Variants in ARVCF observed in about 807,000 individuals in gnomAD.
ARVCF encodes ARVCF delta catenin family member, also known as splicing regulator ARVCF.
In ARVCF, 66 loss-of-function variants were observed where a neutral mutation model predicts 90.9. The observed-to-expected ratio is 0.73, with a 90% CI of 0.60 to 0.89. ARVCF has a LOEUF of 0.89. Ranked by LOEUF, ARVCF falls within the 40% of genes least tolerant of loss-of-function variation. The pLI is 0.00. For synonymous variants in ARVCF, 653 were observed against 603.4 expected (o/e 1.08, Z -1.21); for missense variants, 1,469 against 1,382.3 (o/e 1.06, Z -1.00).
intron 2 of ARVCF, among the ~76,000 whole-genome samples, chr22:20,008,258 G>A (rs916408957): frequency 6.6e-6 from 1 of 152,226 alleles, no homozygotes; most frequent in Non-Finnish European, 1.5e-5. Flanking sequence ...CAGGCACACG[G>A]CGGCTGATGG....
rs776085428 is a variant in ARVCF at position 19,973,205 on chromosome 22, G to A, written c.2352C>T (p.His784=). The A allele has an allele frequency of 6.2e-7, 1 of 1,610,934 alleles. No individual in the cohort carries two copies. The highest frequency in any genetic ancestry group is 1.1e-5 in the South Asian group (1 of 90,708). The change falls in exon 14 of 20, where the codon CAC becomes CAT. Residue 784 remains histidine, a synonymous_variant. Transcript: ENST00000263207. ...TATCCAGGCTGTCGGACACGATTTC[G>A]TGGATGGTGTTGAGCACCGCCACCA... ...DTVVAVLNTI[H]EIVSDSLDNA... is the part of the protein sequence containing the mutation.
At chr22:19,971,416 C>T (rs758975321) in intron 18 of ARVCF, 81 bp from the exon 19 acceptor site, 57 of 1,459,986 alleles carry the variant, frequency 3.9e-5, no homozygotes, top group Non-Finnish European at 5.1e-5. Flanking sequence ...GGGGCAGGGC[C>T]GAGGCTGGCG....
chr22:19,979,645 T>C (rs896945368), intron 6 of ARVCF, 98 bp downstream of exon 6: 66 of 1,456,476 alleles, frequency 4.5e-5, no homozygotes, highest in Middle Eastern at 1.8e-4. Flanking sequence ...CCGGGTGCTT[T>C]CCCAGGCGGT....
chr22:19,987,911 G>T (rs115952945), intron 3 of ARVCF, among the ~76,000 whole-genome samples: 3 of 152,302 alleles, frequency 2.0e-5, no homozygotes, highest in African/African-American at 7.2e-5. Flanking sequence ...AGGGAATCTA[G>T]TTCTGCTGCA....
chr22:20,007,518 C>T (rs1944674572), intron 2 of ARVCF, among the ~76,000 whole-genome samples: 1 of 152,230 alleles, frequency 6.6e-6, no homozygotes, highest in South Asian at 2.1e-4. Flanking sequence ...GAACGTGTCC[C>T]CCAAAGTTCA....
rs1213981957 is a variant in ARVCF, at chr22:19,990,803, C to T, written c.-9G>A. 37 of 1,548,868 alleles carry T rather than the reference C, an allele frequency of 2.4e-5. No homozygotes were observed. In the East Asian group the frequency reaches 7.0e-4, roughly 29 times the overall value. ...ACATTGCAGTCCTCCATGACCAGAG[C>T]GCCCGCCAGCTGCAGGCAAAGCAGA... On this transcript the variant is annotated 5_prime_UTR_variant, in exon 3 of 20. Coordinates refer to ENST00000263207, the MANE Select transcript of ARVCF (RefSeq NM_001670.3).
Position 19,980,052 on chromosome 22 carries a change from C to T in ARVCF, c.1087G>A (p.Val363Met). The T allele has an allele frequency of 2.5e-6, 4 of 1,583,922 alleles. No homozygotes were observed. Among genetic ancestry groups the T allele is most frequent in the Non-Finnish European group, 3.4e-6 (4 of 1,163,846 alleles). ...PRWRDPELPE[V>M]LAMLRHPVDP... ...ACGGGGTGCCGCAGCATGGCCAGCA[C>T]CTCAGGCAGCTCAGGGTCCCGCCAG... is the stretch of plus-strand genomic sequence containing the variant. The change falls in exon 6 of 20, where the codon GTG (valine) becomes ATG (methionine). Residue 363 changes from valine (V) to methionine (M), a missense_variant. Transcript: ENST00000263207.
downstream of ARVCF, chr22:19,968,739 G>GCC (rs397758621): frequency 9.4e-4 from 1,498 of 1,594,896 alleles, 5 homozygotes; most frequent in South Asian, 2.3e-3. Flanking sequence ...GGCCCTGACT[G>GCC]CCCCCCCGGC....
At chr22:20,010,754 A>G (rs993309874) in intron 1 of ARVCF, among the ~76,000 whole-genome samples, 1 of 152,212 alleles carries the variant, frequency 6.6e-6, no homozygotes, top group African/African-American at 2.4e-5. Context: ...GCTGTTGACC[A>G]TCCTTCAGAA....
rs768756338 is a variant in ARVCF at position 19,981,481 on chromosome 22, C to T, written c.626G>A (p.Gly209Asp). The change falls in exon 5 of 20, where the codon GGC (glycine) becomes GAC (aspartate). Residue 209 changes from glycine to aspartate, a missense_variant. Gly to Asp is a moderately conservative substitution (Grantham distance 94). Transcript: ENST00000263207. ...GGGGCCAGCACGTGGGGGCCGCATG[C>T]CCAGCCCTCGGGACAGGCTGCCATA... is the stretch of plus-strand genomic sequence containing the variant. ...PSYGSLSRGL[G>D]MRPPRAGPLG... The T allele has an allele frequency of 1.2e-5, 18 of 1,547,634 alleles. No homozygotes were observed. Among genetic ancestry groups the T allele is most frequent in the Non-Finnish European group, 1.4e-5 (16 of 1,149,022 alleles).
intron 1 of ARVCF, among the ~76,000 whole-genome samples, chr22:20,013,618 C>T (rs1196861322): frequency 6.6e-6 from 1 of 152,228 alleles, no homozygotes; most frequent in Non-Finnish European, 1.5e-5. Context: ...GCTCAGCTCC[C>T]CGTTGCTCTG....
At chr22:19,971,790 G>T in intron 18 of ARVCF, 96 bp downstream of exon 18, 2 of 1,346,796 alleles carry the variant, frequency 1.5e-6, no homozygotes, top group Non-Finnish European at 2.1e-6. Context: ...GTACCCCAGG[G>T]CCCAGACCAG....
chr22:19,967,338 T>C (rs1942461281), downstream of ARVCF: 2 of 641,280 alleles, frequency 3.1e-6, no homozygotes, highest in African/African-American at 1.9e-5. Context: ...TAGGCCATTG[T>C]CCTCCTCCCG....
intron 1 of ARVCF, among the ~76,000 whole-genome samples, chr22:20,013,830 C>G (rs1404821359): frequency 1.3e-5 from 2 of 152,154 alleles, no homozygotes; most frequent in Non-Finnish European, 2.9e-5. Flanking sequence ...TCAGAGTGAC[C>G]CAAGACTTCA....
At chr22:19,971,159 A>C in intron 19 of ARVCF, 57 bp downstream of exon 19, 2 of 1,550,634 alleles carry the variant, frequency 1.3e-6, no homozygotes, top group Non-Finnish European at 1.7e-6. Flanking sequence ...GACTAACAAG[A>C]AGCCCTGGCC....
chr22:19,994,796 T>C (rs1027860004), intron 2 of ARVCF, among the ~76,000 whole-genome samples: 2 of 140,596 alleles, frequency 1.4e-5, no homozygotes, highest in African/African-American at 5.4e-5. Context: ...TGGTGGGAGA[T>C]GAAGATATAG....
Position 19,995,255 on chromosome 22 carries a change from G to T in ARVCF, c.-18-4443C>A, listed in dbSNP as rs182164646. On this transcript the variant is annotated intron_variant, in intron 2 of 19. Coordinates refer to ENST00000263207, the MANE Select transcript of ARVCF (RefSeq NM_001670.3). The stretch of plus-strand genomic sequence containing the variant: ...AGTTGGATGGGAAGGTGGCTGGATG[G>T]ATACGGGTGGTGGTAGAGGGATAAA... Among the ~76,000 whole-genome samples the T allele has an allele frequency of 2.6e-3, 395 of 152,182 alleles. 2 individuals are homozygous for T. Among genetic ancestry groups the T allele is most frequent in the Non-Finnish European group, 4.3e-3 (290 of 67,994 alleles).
In ARVCF at chr22:20,012,083, C is replaced by CG. The variant is rs1192761611; in HGVS notation, c.-72-1576_-72-1575insC. Among the ~76,000 whole-genome samples the CG allele has an allele frequency of 6.0e-5, 8 of 132,734 alleles. 1 individual carries two copies. The highest frequency in any genetic ancestry group is 4.5e-4 in the Admixed American group (6 of 13,474). 87.1% of individuals were successfully genotyped at this position (132,734 alleles called of 152,430 possible). The stretch of plus-strand genomic sequence containing the variant: ...CTGCCTCCAGGCCTCCCAAAGTCCC[C>CG]CCCCCCCACCCAGTTGGGGAAGTGT... On this transcript the variant is annotated intron_variant, in intron 1 of 19. Transcript: ENST00000263207.
intron 2 of ARVCF, among the ~76,000 whole-genome samples, chr22:20,006,829 A>C (rs887122213): frequency 1.3e-5 from 2 of 151,548 alleles, no homozygotes; most frequent in Non-Finnish European, 2.9e-5. Flanking sequence ...ACGGGGTTTC[A>C]CCATGTTGAC....
Sources: allele counts gnomAD v4.1 joint callset (sites outside exome capture counted in the v4.1 genomes callset), GRCh38; gene constraint gnomAD v4.1.1; transcripts MANE v1.5; gene names NCBI Gene and HGNC (gene_info 2026-07-23, HGNC 2026-07-21).